The following ATP9B variants were observed in gnomAD, a reference collection of about 807,000 sequenced individuals.
The protein encoded by ATP9B is probable phospholipid-transporting ATPase IIB.
Under a neutral mutation model 146.1 loss-of-function variants are expected in ATP9B, and 110 were observed. The observed-to-expected ratio is 0.75, with a 90% CI of 0.65 to 0.88. The LOEUF is 0.88. ATP9B is among the 40% of genes least tolerant of loss of function. The pLI is 0.00. For synonymous variants in ATP9B, 604 were observed against 569.7 expected, an observed-to-expected ratio of 1.06 and a Z score of -0.86; for missense variants, 1,499 against 1,496.4, an observed-to-expected ratio of 1.00 and a Z score of -0.03.
chr18:79,073,593 G>A lies in ATP9B; in HGVS notation c.119+4064G>A, dbSNP rs537618703. On this transcript the variant is annotated intron_variant, in intron 1 of 29. Transcript: ENST00000426216. ...GATTGCGGCAGTACAGTCCAGCCTC[G>A]GCAACAGAGGGAGACCGTGGAAAGC... 2.3e-4 allele frequency among the ~76,000 whole-genome samples: 35 copies of A among 152,304 alleles called. No individual in the cohort carries two copies. In the South Asian group the frequency reaches 6.4e-3, roughly 28 times the overall value.
At chr18:79,250,805 C>G (rs1165072458) in intron 11 of ATP9B, among the ~76,000 whole-genome samples, 2 of 152,158 alleles carry the variant, frequency 1.3e-5, no homozygotes, top group Non-Finnish European at 2.9e-5. Context: ...CCTTTCCGAC[C>G]ATTTGTGATC....
At chr18:79,081,732 G>A (rs1490449068) in intron 1 of ATP9B, among the ~76,000 whole-genome samples, 2 of 151,354 alleles carry the variant, frequency 1.3e-5, no homozygotes, top group African/African-American at 4.9e-5. Flanking sequence ...TTGAATATTG[G>A]ACCTCACTCT....
chr18:79,327,525 TCTCCGTGGTTAGCGTGC>T lies in ATP9B; in HGVS notation c.1774-1615_1774-1599del, dbSNP rs1568696898. The stretch of plus-strand genomic sequence containing the variant: ...TGTGCTCTCTCCATGGTTAGCGTGC[TCTCCGTGGTTAGCGTGC>T]TCTCCGTGGTTAGCGTGCTCTCCGT... On this transcript the variant is annotated intron_variant, in intron 15 of 29. Coordinates refer to ENST00000426216, the MANE Select transcript of ATP9B (RefSeq NM_198531.5). Among the ~76,000 whole-genome samples the T allele has an allele frequency of 8.7e-4, 119 of 136,038 alleles. 1 individual carries two copies. Among genetic ancestry groups the T allele is most frequent in the African/African-American group, 3.2e-3 (113 of 35,234 alleles). The allele number at this position is 136,038 out of a possible 152,430, so 89.2% of individuals were successfully genotyped here.
At chr18:79,106,790 TGA>T (rs1599592561) in intron 2 of ATP9B, among the ~76,000 whole-genome samples, 1 of 152,100 alleles carries the variant, frequency 6.6e-6, no homozygotes, top group African/African-American at 2.4e-5. Flanking sequence ...GTTTCTCGAG[TGA>T]GAGTGATGTC....
At chr18:79,099,713 C>G (rs111357314) in intron 2 of ATP9B, among the ~76,000 whole-genome samples, 1 of 152,088 alleles carries the variant, frequency 6.6e-6, no homozygotes, top group Non-Finnish European at 1.5e-5. Flanking sequence ...TGATCCACCT[C>G]AGCCTCCCAA....
rs960898476 is a variant in ATP9B at position 79,231,296 on chromosome 18, GA to G, written c.1107+17267del. Among the ~76,000 whole-genome samples, 15 of 149,132 alleles carry G rather than the reference GA, an allele frequency of 1.0e-4. No homozygotes were observed. The East Asian group carries it at 1.4e-3, about 14-fold the overall frequency. On this transcript the variant is annotated intron_variant, in intron 11 of 29. Coordinates refer to ENST00000426216, the MANE Select transcript of ATP9B (RefSeq NM_198531.5). ...ATCTACAAGGAACACAAGTCATCAA[GA>G]AAAAAAAACAAACAGTCCCATGAAA...
intron 25 of ATP9B, chr18:79,352,624 C>CG (rs1568795869): frequency 6.6e-6 from 1 of 150,654 alleles, no homozygotes; most frequent in Non-Finnish European, 1.5e-5. Context: ...CTCGAAACCT[C>CG]TGTGTTTCAA....
chr18:79,247,821 A>G (rs1481371003), intron 11 of ATP9B, among the ~76,000 whole-genome samples: 1 of 152,258 alleles, frequency 6.6e-6, no homozygotes, highest in Non-Finnish European at 1.5e-5. Context: ...ATAACTATAT[A>G]GCAAGCAAGG....
At chr18:79,111,534 A>G (rs992785195) in intron 3 of ATP9B, among the ~76,000 whole-genome samples, 1 of 150,756 alleles carries the variant, frequency 6.6e-6, no homozygotes, top group Non-Finnish European at 1.5e-5. Context: ...ACTGTCTTAC[A>G]GGCAGATAAA....
intron 9 of ATP9B, among the ~76,000 whole-genome samples, chr18:79,205,367 A>G (rs1239173329): frequency 6.6e-6 from 1 of 152,264 alleles, no homozygotes; most frequent in East Asian, 1.9e-4. Flanking sequence ...ACATCATCTG[A>G]AAGTGGTTTG....
chr18:79,160,896 T>C (rs920121300), intron 7 of ATP9B, among the ~76,000 whole-genome samples: 10 of 152,126 alleles, frequency 6.6e-5, no homozygotes, highest in African/African-American at 2.4e-4. Flanking sequence ...CTCAGCCTCC[T>C]GAGTAGCTGG....
chr18:79,237,294 G>A (rs536411011), intron 11 of ATP9B, among the ~76,000 whole-genome samples: 174 of 137,946 alleles, frequency 1.3e-3, no homozygotes, highest in Middle Eastern at 4.3e-3. Flanking sequence ...CTGTGTACAC[G>A]GTCCGTGCAC....
intron 13 of ATP9B, among the ~76,000 whole-genome samples, chr18:79,291,367 G>A (rs1028133215): frequency 4.6e-5 from 7 of 152,176 alleles, no homozygotes; most frequent in Non-Finnish European, 7.3e-5. Context: ...GACAAAAGTT[G>A]TAGAAATCAT....
intron 10 of ATP9B, among the ~76,000 whole-genome samples, chr18:79,208,441 G>A (rs2148364368): frequency 6.6e-6 from 1 of 152,298 alleles, no homozygotes; most frequent in East Asian, 1.9e-4. Context: ...GGGCCAGTGT[G>A]CTAGGCCCAT....
chr18:79,311,647 A>G (rs1244812643), intron 15 of ATP9B, among the ~76,000 whole-genome samples: 2 of 152,226 alleles, frequency 1.3e-5, no homozygotes, highest in Non-Finnish European at 2.9e-5. Context: ...TTAGCCATGT[A>G]AGAACCTAAA....
chr18:79,265,192 G>A (rs1411601863), intron 12 of ATP9B, among the ~76,000 whole-genome samples: 5 of 152,196 alleles, frequency 3.3e-5, no homozygotes, highest in African/African-American at 4.8e-5. Flanking sequence ...CTGTTTCTGC[G>A]ATAGTTTGCT....
chr18:79,113,884 G>C lies in ATP9B; in HGVS notation c.558+530G>C, dbSNP rs116702469. On this transcript the variant is annotated intron_variant, in intron 4 of 29. Coordinates refer to ENST00000426216, the MANE Select transcript of ATP9B (RefSeq NM_198531.5). ...CTGTCTTGATAGTCTTAAGCTGTTG[G>C]CTGAGAGTTTTCATTAATTTTTAGC... Among the ~76,000 whole-genome samples the C allele has an allele frequency of 1.6e-3, 239 of 152,304 alleles. 1 individual carries two copies. The highest frequency in any genetic ancestry group is 5.3e-3 in the African/African-American group (220 of 41,568).
At chr18:79,270,954 G>A (rs1431157419) in intron 12 of ATP9B, among the ~76,000 whole-genome samples, 1 of 152,106 alleles carries the variant, frequency 6.6e-6, no homozygotes, top group Non-Finnish European at 1.5e-5. Context: ...CTGGTCCTGG[G>A]GGCCACTGTC....
At chr18:79,202,457 A>G (rs2095497608) in intron 9 of ATP9B, among the ~76,000 whole-genome samples, 1 of 152,190 alleles carries the variant, frequency 6.6e-6, no homozygotes, top group Non-Finnish European at 1.5e-5. Flanking sequence ...TGTCTTCTTC[A>G]GCCAAAATAC....
Sources: gnomAD v4.1 joint callset for allele counts (sites outside exome capture counted in the v4.1 genomes callset) on GRCh38, gnomAD v4.1.1 for gene constraint, MANE v1.5 for transcripts, NCBI Gene and HGNC (gene_info 2026-07-23, HGNC 2026-07-21) for gene names.